Variants in LIPA observed in about 807,000 individuals in gnomAD.
The protein encoded by LIPA is lysosomal acid lipase/cholesteryl ester hydrolase.
Under a neutral mutation model 40.6 loss-of-function variants are expected in LIPA, and 26 were observed. That is an observed-to-expected ratio of 0.64 (90% CI 0.47 to 0.89). The LOEUF (loss-of-function observed/expected upper bound fraction) is 0.89, where lower values mean the gene tolerates loss of function less well. Ranked by LOEUF, LIPA falls within the 40% of genes least tolerant of loss-of-function variation. LIPA has a pLI of 0.00. For synonymous variants in LIPA, 188 were observed against 168.4 expected (o/e 1.12, Z -0.90); for missense variants, 455 against 479.6 (o/e 0.95, Z 0.48).
chr10:89,401,603 G>GA (rs1166945949), intron 2 of LIPA, among the ~76,000 whole-genome samples: 2 of 151,794 alleles, frequency 1.3e-5, no homozygotes, highest in Non-Finnish European at 1.5e-5. Flanking sequence ...AGGCTTACGT[G>GA]AAAAAAATGA....
intron 2 of LIPA, among the ~76,000 whole-genome samples, chr10:89,375,920 G>T (rs1198935868): frequency 6.6e-6 from 1 of 152,072 alleles, no homozygotes; most frequent in Non-Finnish European, 1.5e-5. Flanking sequence ...AGGTGCAGTG[G>T]CTCACACCTG....
chr10:89,344,458 AC>A (rs986650009), upstream of LIPA, among the ~76,000 whole-genome samples: 6 of 151,996 alleles, frequency 3.9e-5, no homozygotes, highest in African/African-American at 1.5e-4. Flanking sequence ...TGGAGAACAA[AC>A]TCCTTGCAGA....
intron 1 of LIPA, among the ~76,000 whole-genome samples, chr10:89,338,017 C>CTAA (rs1161465739): frequency 6.6e-6 from 1 of 152,134 alleles, no homozygotes; most frequent in Non-Finnish European, 1.5e-5. Flanking sequence ...CCACTGTAGG[C>CTAA]TAATGTAAGG....
At chr10:89,384,639 C>G (rs760461730) in intron 2 of LIPA, 1 of 1,614,170 alleles carries the variant, frequency 6.2e-7, no homozygotes, top group Non-Finnish European at 8.5e-7. Context: ...GTGTCAGCCT[C>G]CTTGGGCTTA....
intron 2 of LIPA, among the ~76,000 whole-genome samples, chr10:89,363,799 G>C (rs1038280347): frequency 1.4e-4 from 21 of 151,206 alleles, no homozygotes; most frequent in Non-Finnish European, 2.8e-4. Flanking sequence ...AAAAGCGAGG[G>C]GGGGCGGGTG....
intron 1 of LIPA, chr10:89,338,913 T>G: frequency 6.2e-7 from 1 of 1,614,166 alleles, no homozygotes; most frequent in Non-Finnish European, 8.5e-7. Flanking sequence ...AAGAACATGC[T>G]GACCAAGCAG....
At chr10:89,408,637 G>T (rs192733107) in intron 2 of LIPA, among the ~76,000 whole-genome samples, 1 of 152,336 alleles carries the variant, frequency 6.6e-6, no homozygotes, top group East Asian at 1.9e-4. Context: ...ATTTAAAGCA[G>T]ATCAAGGCAG....
At chr10:89,408,758 C>G (rs1841445649) in intron 2 of LIPA, among the ~76,000 whole-genome samples, 1 of 152,174 alleles carries the variant, frequency 6.6e-6, no homozygotes, top group African/African-American at 2.4e-5. Flanking sequence ...AGATCAAACC[C>G]TGGCCTTTAA....
chr10:89,397,109 C>A (rs905611831), intron 2 of LIPA, among the ~76,000 whole-genome samples: 8 of 152,112 alleles, frequency 5.3e-5, no homozygotes, highest in African/African-American at 1.9e-4. Context: ...TAGTTTTGAT[C>A]TAATTCATGT....
intron 7 of LIPA, among the ~76,000 whole-genome samples, chr10:89,223,119 T>C (rs534642600): frequency 6.6e-6 from 1 of 152,300 alleles, no homozygotes; most frequent in Non-Finnish European, 1.5e-5. Flanking sequence ...CATACACTTA[T>C]GTGTATGTAA....
chr10:89,214,905 G>C lies in LIPA; in HGVS notation c.1123C>G (p.Leu375Val). Residue 375 changes from leucine to valine, a missense_variant, in exon 10 of 10, where the codon CTT becomes GTT. Physicochemically the swap from Leu to Val is conservative, Grantham distance 32. Transcript: ENST00000336233. ...GCATCCAGGCCCCAAATGAAGTCAAGATGCTCCCATTCCGGAATGCTCTCA... is the reference window on the plus strand; with the variant it reads ...GCATCCAGGCCCCAAATGAAGTCAACATGCTCCCATTCCGGAATGCTCTCA... Reference protein sequence around the residue: ...FHESIPEWEHLDFIWGLDAPW... With the variant: ...FHESIPEWEHVDFIWGLDAPW... The C allele has an allele frequency of 6.2e-7, 1 of 1,614,096 alleles. No homozygotes were observed. Among genetic ancestry groups the C allele is most frequent in the East Asian group, 2.2e-5 (1 of 44,874 alleles).
intron 3 of LIPA, among the ~76,000 whole-genome samples, chr10:89,230,095 A>G (rs2133439719): frequency 6.6e-6 from 1 of 152,310 alleles, no homozygotes; most frequent in South Asian, 2.1e-4. Context: ...AGCAGAAAAA[A>G]CAAAGATGTG....
At chr10:89,253,851 G>A (rs192962584), upstream of LIPA, among the ~76,000 whole-genome samples, 43 of 152,316 alleles carry the variant, frequency 2.8e-4, no homozygotes, top group East Asian at 9.6e-4. Context: ...GCTAAAAGCC[G>A]CATGCAAGTC....
chr10:89,376,138 A>G (rs1844119461), intron 2 of LIPA, among the ~76,000 whole-genome samples: 1 of 147,052 alleles, frequency 6.8e-6, no homozygotes, highest in Admixed American at 6.9e-5. Context: ...CAGTGAGCAG[A>G]GATAGTGCCA....
At chr10:89,413,864 G>A (rs527356020) in intron 1 of LIPA, among the ~76,000 whole-genome samples, 3 of 152,146 alleles carry the variant, frequency 2.0e-5, no homozygotes, top group South Asian at 2.1e-4. Context: ...GGTAAGGCCC[G>A]TGTCTGTTTT....
intron 9 of LIPA, among the ~76,000 whole-genome samples, chr10:89,215,322 AT>A (rs1842610924): frequency 1.3e-5 from 2 of 152,230 alleles, no homozygotes. Flanking sequence ...TGAATGTTTA[AT>A]CCCCGGCAAG....
At chr10:89,243,592 TAAA>T (rs5786865) in intron 3 of LIPA, among the ~76,000 whole-genome samples, 1 of 147,756 alleles carries the variant, frequency 6.8e-6, no homozygotes, top group Non-Finnish European at 1.5e-5. Flanking sequence ...CCACAGAGGT[TAAA>T]AAAAAAAAAG....
At chr10:89,235,915 C>A (rs564325248) in intron 3 of LIPA, among the ~76,000 whole-genome samples, 1 of 152,254 alleles carries the variant, frequency 6.6e-6, no homozygotes, top group African/African-American at 2.4e-5. Context: ...AATAATAAAT[C>A]TATACAGTTG....
At chr10:89,235,074 G>C (rs563515621) in intron 3 of LIPA, among the ~76,000 whole-genome samples, 2 of 152,346 alleles carry the variant, frequency 1.3e-5, no homozygotes, top group South Asian at 4.1e-4. Flanking sequence ...GAGGCCTTCC[G>C]GCTGAAGGCA....
Sources: allele counts gnomAD v4.1 joint callset (sites outside exome capture counted in the v4.1 genomes callset), GRCh38; gene constraint gnomAD v4.1.1; transcripts MANE v1.5; gene names NCBI Gene and HGNC (gene_info 2026-07-23, HGNC 2026-07-21).